The following PVT1 variants were observed in gnomAD, a reference collection of about 807,000 sequenced individuals.
The protein encoded by PVT1 is CXCR4/PVT1 fusion.
intron 3 of PVT1, among the ~76,000 whole-genome samples, chr8:127,984,991 CTCTTTCCTTCCTTCCTTCCTTCCT>C (rs1816945052): frequency 1.5e-5 from 1 of 65,774 alleles, no homozygotes; most frequent in South Asian, 5.6e-4. Context: ...TTCTTTCTTT[CTCTTTCCTTCCTTCCTTCCTTCCT>C]TCCTTCCTTC....
At chr8:128,042,613 G>A (rs1234490627) in intron 4 of PVT1, among the ~76,000 whole-genome samples, 1 of 152,142 alleles carries the variant, frequency 6.6e-6, no homozygotes, top group Non-Finnish European at 1.5e-5. Flanking sequence ...AGGGACACAG[G>A]TCTTTGTGTG....
chr8:128,074,541 G>A (rs950620861), intron 5 of PVT1, among the ~76,000 whole-genome samples: 1 of 151,334 alleles, frequency 6.6e-6, no homozygotes, highest in Middle Eastern at 3.4e-3. Context: ...AAAAAAGGGG[G>A]GGGCTCCTTC....
At chr8:127,867,185 C>T (rs538114187) in intron 2 of PVT1, among the ~76,000 whole-genome samples, 4 of 152,356 alleles carry the variant, frequency 2.6e-5, no homozygotes, top group Non-Finnish European at 4.4e-5. Context: ...GGGATACTGC[C>T]TGGGCATGTG....
At chr8:128,094,245 G>T (rs894832752) in intron 5 of PVT1, among the ~76,000 whole-genome samples, 1 of 152,032 alleles carries the variant, frequency 6.6e-6, no homozygotes, top group Non-Finnish European at 1.5e-5. Flanking sequence ...CTTTTTAAAT[G>T]ATTTTTACAT....
chr8:128,027,676 C>T (rs1813328499), intron 4 of PVT1, among the ~76,000 whole-genome samples: 1 of 152,216 alleles, frequency 6.6e-6, no homozygotes, highest in Non-Finnish European at 1.5e-5. Flanking sequence ...GGCTGTGGCA[C>T]CATGCAAGGT....
At position 127,898,134 on chromosome 8, in the gene PVT1, G is replaced by GA. The variant is rs1815710027; in HGVS notation, n.782+7138dup. 6.8e-6 allele frequency among the ~76,000 whole-genome samples: 1 copy of GA among 146,946 alleles called. No homozygotes were observed. The highest frequency in any genetic ancestry group is 1.5e-5 in the Non-Finnish European group (1 of 66,308). ...AGGAAGGAAGAAAGAAGGAAAGAAAGAAGATTCATTATTCTGTCCTCTGAA... is the reference window on the plus strand; with the variant it reads ...AGGAAGGAAGAAAGAAGGAAAGAAAGAAAGATTCATTATTCTGTCCTCTGAA... On this transcript the variant is annotated intron_variant and non_coding_transcript_variant, in intron 3 of 10. Coordinates refer to ENST00000651587, the Ensembl canonical transcript of PVT1. The surrounding 1 kb of genome is among the most constrained non-coding windows in gnomAD (Gnocchi z 4.4).
chr8:127,802,333 CCTCCTGGGCAGCTGGGACCACAGGT>C (rs1274767649), intron 2 of PVT1, among the ~76,000 whole-genome samples: 3 of 152,198 alleles, frequency 2.0e-5, no homozygotes, highest in African/African-American at 7.2e-5. Flanking sequence ...CCCACCTCAG[CCTCCTGGGCAGCTGGGACCACAGGT>C]CTGTGTCACC....
At chr8:127,841,884 C>T (rs1814978782) in intron 2 of PVT1, among the ~76,000 whole-genome samples, 1 of 152,006 alleles carries the variant, frequency 6.6e-6, no homozygotes, top group South Asian at 2.1e-4. Context: ...CGCCACTACC[C>T]CCAGCTAATT....
Position 127,914,194 on chromosome 8 carries a change from A to G in PVT1, n.782+23196A>G, listed in dbSNP as rs887896000. 2.8e-5 allele frequency among the ~76,000 whole-genome samples: 4 copies of G among 145,384 alleles called. No homozygotes were observed. The South Asian group carries it at 6.7e-4, about 24-fold the overall frequency. ...CATGGTTGTTAGGGAGATGCAAATT[A>G]AAACCATGAGATACCCCTTCATACC... is the stretch of plus-strand genomic sequence containing the variant. On this transcript the variant is annotated intron_variant and non_coding_transcript_variant, in intron 3 of 10. Transcript: ENST00000651587.
intron 5 of PVT1, among the ~76,000 whole-genome samples, chr8:128,075,162 C>A (rs898780297): frequency 1.3e-5 from 2 of 152,128 alleles, no homozygotes; most frequent in African/African-American, 4.8e-5. Flanking sequence ...CAGGCCTTGG[C>A]AGAATTGACT....
At chr8:127,943,795 T>C (rs1266254915) in intron 3 of PVT1, among the ~76,000 whole-genome samples, 2 of 152,134 alleles carry the variant, frequency 1.3e-5, no homozygotes, top group African/African-American at 2.4e-5. Context: ...TAAAGACAGA[T>C]AGGTTGATGG....
At chr8:128,061,162 G>A (rs924517362) in intron 4 of PVT1, among the ~76,000 whole-genome samples, 2 of 152,242 alleles carry the variant, frequency 1.3e-5, no homozygotes, top group Middle Eastern at 3.4e-3. Context: ...TGCCCCTTTC[G>A]GCCTCCAAAA....
intron 2 of PVT1, among the ~76,000 whole-genome samples, chr8:127,874,905 TGTG>T (rs1815388617): frequency 1.2e-5 from 1 of 85,322 alleles, no homozygotes; most frequent in Non-Finnish European, 2.1e-5. Context: ...GGCCTCCAGG[TGTG>T]TGTGTGTGTG....
chr8:127,988,866 G>A (rs954693357), intron 3 of PVT1, among the ~76,000 whole-genome samples: 2 of 152,132 alleles, frequency 1.3e-5, no homozygotes, highest in Non-Finnish European at 2.9e-5. Context: ...AATGGGTGGG[G>A]GCTTATGAGT....
At chr8:128,084,900 G>A (rs961059561) in intron 5 of PVT1, among the ~76,000 whole-genome samples, 5 of 152,128 alleles carry the variant, frequency 3.3e-5, no homozygotes, top group African/African-American at 9.7e-5. Context: ...ATTAGTTCAC[G>A]CTCTCTTTTT....
At chr8:128,001,547 A>G (rs1817177246) in intron 4 of PVT1, among the ~76,000 whole-genome samples, 1 of 152,072 alleles carries the variant, frequency 6.6e-6, no homozygotes, top group African/African-American at 2.4e-5. Flanking sequence ...CCCCCACCAG[A>G]TCAGGAATCT....
intron 4 of PVT1, among the ~76,000 whole-genome samples, chr8:127,998,834 T>TCCTC (rs1817139847): frequency 1.4e-5 from 2 of 144,086 alleles, no homozygotes; most frequent in African/African-American, 2.7e-5. Flanking sequence ...CTTCCTTCCT[T>TCCTC]CCTTCCTTCC....
chr8:127,984,891 TTC>T (rs1180949406), intron 3 of PVT1, among the ~76,000 whole-genome samples: 3 of 100,370 alleles, frequency 3.0e-5, no homozygotes, highest in African/African-American at 6.9e-5. Flanking sequence ...CTTTCTTTCT[TTC>T]TTTCTTTCTT....
intron 3 of PVT1, among the ~76,000 whole-genome samples, chr8:127,891,907 T>C (rs367845350): frequency 6.6e-6 from 1 of 152,208 alleles, no homozygotes; most frequent in Admixed American, 6.5e-5. Flanking sequence ...CAAAGGCCTG[T>C]TGCAGTTCTG....
Sources: allele counts gnomAD v4.1 joint callset (sites outside exome capture counted in the v4.1 genomes callset), GRCh38; gene constraint gnomAD v4.1.1; non-coding constraint Gnocchi (gnomAD v3.1); transcripts MANE v1.5; gene names NCBI Gene and HGNC (gene_info 2026-07-23, HGNC 2026-07-21).